Variants in ARHGAP32 observed in about 807,000 individuals in gnomAD.
The protein encoded by ARHGAP32 is Rho GTPase activating protein 32.
Under a neutral mutation model 186.5 loss-of-function variants are expected in ARHGAP32, and 51 were observed. That is an observed-to-expected ratio of 0.27 (90% CI 0.22 to 0.35). The LOEUF is 0.35. Ranked by LOEUF, ARHGAP32 falls within the 10% of genes least tolerant of loss-of-function variation. The probability of loss-of-function intolerance (pLI) is 1.00; values close to 1 mark genes in which losing one functional copy is unlikely to be tolerated. For synonymous variants in ARHGAP32, 950 were observed against 964.3 expected (o/e 0.99, Z 0.27); for missense variants, 2,186 against 2,623.5 (o/e 0.83, Z 3.64).
intron 10 of ARHGAP32, among the ~76,000 whole-genome samples, chr11:129,047,802 T>C (rs755226887): frequency 1.3e-5 from 2 of 152,212 alleles, no homozygotes; most frequent in Admixed American, 6.5e-5. Flanking sequence ...GTTGATCAAA[T>C]AGACGGTAAG....
At chr11:129,035,007 A>C (rs1442827239) in intron 11 of ARHGAP32, among the ~76,000 whole-genome samples, 1 of 152,208 alleles carries the variant, frequency 6.6e-6, no homozygotes, top group African/African-American at 2.4e-5. Context: ...AGTGTCAGTA[A>C]ATAGCTCCTC....
At chr11:129,258,197 C>G (rs1945279635) in intron 1 of ARHGAP32, among the ~76,000 whole-genome samples, 1 of 152,114 alleles carries the variant, frequency 6.6e-6, no homozygotes, top group Non-Finnish European at 1.5e-5. Context: ...AAACAACTAT[C>G]ATATTAAAAT....
chr11:129,086,001 C>G (rs987681562), intron 6 of ARHGAP32, among the ~76,000 whole-genome samples: 1 of 131,650 alleles, frequency 7.6e-6, no homozygotes, highest in Non-Finnish European at 1.7e-5. Flanking sequence ...CTCAAAAAAA[C>G]AAACAAACAA....
intron 6 of ARHGAP32, among the ~76,000 whole-genome samples, chr11:129,076,425 A>G (rs1458372715): frequency 6.6e-6 from 1 of 152,118 alleles, no homozygotes; most frequent in Admixed American, 6.6e-5. Flanking sequence ...CTGGATCAGG[A>G]CCTCTTTTCA....
chr11:129,178,079 G>A (rs1276215951), intron 1 of ARHGAP32, among the ~76,000 whole-genome samples: 4 of 150,084 alleles, frequency 2.7e-5, no homozygotes, highest in Non-Finnish European at 6.0e-5. Flanking sequence ...AAGCTGATAA[G>A]CAACTTCAGC....
At chr11:129,079,059 G>T (rs945563135) in intron 6 of ARHGAP32, among the ~76,000 whole-genome samples, 1 of 151,774 alleles carries the variant, frequency 6.6e-6, no homozygotes, top group Non-Finnish European at 1.5e-5. Flanking sequence ...ATCCAACAAA[G>T]ACAAAGGAAA....
Position 128,982,726 on chromosome 11 carries a change from A to G in ARHGAP32, c.1527-790T>C, listed in dbSNP as rs936946006. The stretch of plus-strand genomic sequence containing the variant: ...ACACAGTGAAACCCCATCTCTACAA[A>G]AAGTGTAAAAACAATTAGCTGGGTG... On this transcript the variant is annotated intron_variant, in intron 15 of 22. Coordinates refer to ENST00000682385, the MANE Select transcript of ARHGAP32 (RefSeq NM_001378024.1). Among the ~76,000 whole-genome samples, 6 of 151,646 alleles carry G rather than the reference A, an allele frequency of 4.0e-5. No individual in the cohort carries two copies. In the East Asian group the frequency reaches 9.7e-4, roughly 25 times the overall value.
chr11:129,246,340 T>G (rs963668655), intron 1 of ARHGAP32, among the ~76,000 whole-genome samples: 6 of 152,146 alleles, frequency 3.9e-5, no homozygotes, highest in Non-Finnish European at 8.8e-5. Flanking sequence ...AATAAGGGAC[T>G]CAGTTAGAAA....
intron 1 of ARHGAP32, among the ~76,000 whole-genome samples, chr11:129,263,006 T>C (rs1232937380): frequency 2.0e-5 from 3 of 152,242 alleles, no homozygotes; most frequent in African/African-American, 7.2e-5. Flanking sequence ...GAAAGGACAG[T>C]CTTCAACAAA....
Position 128,969,275 on chromosome 11 carries a change from A to C in ARHGAP32, c.5938T>G (p.Cys1980Gly). The C allele has an allele frequency of 6.2e-7, 1 of 1,614,200 alleles. No individual in the cohort carries two copies. Among genetic ancestry groups the C allele is most frequent in the Non-Finnish European group, 8.5e-7 (1 of 1,180,044 alleles). Reference sequence around the variant, plus strand: ...GTGAGGTGTTCTTCCTCCTTGTAGCAGTCTCTGGAGTGTTTCTCTGGGGCA... The same window carrying C: ...GTGAGGTGTTCTTCCTCCTTGTAGCCGTCTCTGGAGTGTTTCTCTGGGGCA... ...PSAPEKHSRD[C>G]YKEEEHLTQS... Residue 1980 changes from cysteine (C) to glycine (G), a missense_variant, in exon 23 of 23, where the codon TGC (cysteine) becomes GGC (glycine). This residue lies in a region of ARHGAP32 where 1,502 missense variants were observed against 1,570.0 expected (regional missense o/e 0.96). Transcript: ENST00000682385. This position sits in a 1 kb window ranked among gnomAD's most constrained non-coding sequence, Gnocchi z 4.8.
intron 10 of ARHGAP32, among the ~76,000 whole-genome samples, chr11:129,056,790 C>T (rs1025405307): frequency 4.6e-5 from 7 of 152,130 alleles, no homozygotes; most frequent in South Asian, 2.1e-4. Flanking sequence ...GTGTCAACAA[C>T]GAGCTTCAGA....
At chr11:129,120,937 T>C (rs543404160) in intron 5 of ARHGAP32, among the ~76,000 whole-genome samples, 9 of 152,236 alleles carry the variant, frequency 5.9e-5, no homozygotes, top group Admixed American at 5.9e-4. Context: ...TGATGATCTA[T>C]TATTGACACA....
chr11:129,025,873 AAT>A (rs897333604), intron 11 of ARHGAP32, among the ~76,000 whole-genome samples: 45 of 148,862 alleles, frequency 3.0e-4, no homozygotes, highest in African/African-American at 9.5e-4. Flanking sequence ...TTATTTAAGT[AAT>A]ATATGTTATA....
intron 11 of ARHGAP32, among the ~76,000 whole-genome samples, chr11:129,013,915 A>C (rs1938209871): frequency 6.6e-6 from 1 of 152,212 alleles, no homozygotes. Context: ...TTAGATGATT[A>C]AGTGCTTACA....
chr11:129,022,934 T>C (rs1433888745), intron 11 of ARHGAP32, among the ~76,000 whole-genome samples: 1 of 152,194 alleles, frequency 6.6e-6, no homozygotes, highest in Non-Finnish European at 1.5e-5. Flanking sequence ...GTTCAAACCA[T>C]TATTATATGA....
chr11:129,024,228 A>C, intron 11 of ARHGAP32: 1 of 961,350 alleles, frequency 1.0e-6, no homozygotes, highest in Admixed American at 6.1e-5. Flanking sequence ...CTAAACTCAC[A>C]CTTGCAGAAC....
At chr11:129,056,203 A>G (rs1473725900) in intron 10 of ARHGAP32, among the ~76,000 whole-genome samples, 2 of 152,194 alleles carry the variant, frequency 1.3e-5, no homozygotes, top group Non-Finnish European at 2.9e-5. Context: ...GGGAGTGGGC[A>G]GGGGTATTAC....
intron 2 of ARHGAP32, among the ~76,000 whole-genome samples, chr11:129,137,717 C>T (rs1308670673): frequency 1.2e-4 from 18 of 151,894 alleles, no homozygotes; most frequent in Admixed American, 1.2e-3. Flanking sequence ...ATATTCATTT[C>T]TTTTTTGAGG....
At position 128,968,525 on chromosome 11, in the gene ARHGAP32, A is replaced by C. The variant is rs1251908358; in HGVS notation, c.*382T>G. ...GACGCCTACCAGGAAATCGATGTGA[A>C]CTGCTCTCAATTATGCAGCAAATAC... On this transcript the variant is annotated 3_prime_UTR_variant, in exon 23 of 23. Coordinates refer to ENST00000682385, the MANE Select transcript of ARHGAP32 (RefSeq NM_001378024.1). 1 of 157,174 alleles carries C rather than the reference A, an allele frequency of 6.4e-6. No homozygotes were observed. Among genetic ancestry groups the C allele is most frequent in the Non-Finnish European group, 1.4e-5 (1 of 71,654 alleles). 9.7% of individuals were successfully genotyped at this position (157,174 alleles called of 1,614,324 possible).
Sources: allele counts gnomAD v4.1 joint callset (sites outside exome capture counted in the v4.1 genomes callset), GRCh38; gene constraint gnomAD v4.1.1; regional missense constraint gnomAD v4.1.1; non-coding constraint Gnocchi (gnomAD v3.1); transcripts MANE v1.5; gene names NCBI Gene and HGNC (gene_info 2026-07-23, HGNC 2026-07-21).